DNER: variants seen among roughly 807,000 people sequenced by gnomAD.
The protein encoded by DNER is delta and Notch-like epidermal growth factor-related receptor.
DNER carries 33 observed loss-of-function variants against 78.2 expected under a neutral mutation model. The observed-to-expected ratio is 0.42, with a 90% CI of 0.32 to 0.56. DNER has a LOEUF of 0.56. DNER is among the 20% of genes least tolerant of loss of function. The probability of loss-of-function intolerance (pLI) is 0.11; values close to 1 mark genes in which losing one functional copy is unlikely to be tolerated. For missense variants in DNER, 918 were observed against 975.3 expected (o/e 0.94, Z 0.78); for synonymous variants, 417 against 384.8 (o/e 1.08, Z -0.98).
At chr2:229,674,407 T>C (rs1329318238) in intron 1 of DNER, among the ~76,000 whole-genome samples, 2 of 152,166 alleles carry the variant, frequency 1.3e-5, no homozygotes, top group Non-Finnish European at 2.9e-5. Context: ...GCCTCCCAAG[T>C]AGCTAGGATT....
At chr2:229,493,125 CACTT>C (rs1184006952) in intron 6 of DNER, among the ~76,000 whole-genome samples, 4 of 152,208 alleles carry the variant, frequency 2.6e-5, no homozygotes, top group Middle Eastern at 3.2e-3. Context: ...AAGGCACTGA[CACTT>C]AGTCAGTGTG....
chr2:229,413,037 T>A (rs1693556910), intron 9 of DNER, among the ~76,000 whole-genome samples: 1 of 152,184 alleles, frequency 6.6e-6, no homozygotes, highest in African/African-American at 2.4e-5. Context: ...ATTATTTATA[T>A]GGAATTTACT....
chr2:229,599,669 A>G (rs987562822), intron 1 of DNER, among the ~76,000 whole-genome samples: 2 of 152,260 alleles, frequency 1.3e-5, no homozygotes. Context: ...GAGTAAATTT[A>G]AAATGCAACA....
intron 4 of DNER, among the ~76,000 whole-genome samples, chr2:229,557,737 A>G (rs1012778498): frequency 1.4e-5 from 2 of 141,494 alleles, no homozygotes; most frequent in Non-Finnish European, 3.0e-5. Context: ...GAGACAAAAG[A>G]AAAAAAAAAA....
chr2:229,654,531 T>C (rs73095329), intron 1 of DNER, among the ~76,000 whole-genome samples: 6,273 of 152,304 alleles, frequency 0.041, 430 homozygotes, highest in African/African-American at 0.14. Context: ...GGAAAAATAG[T>C]AATGTTTGAA....
At chr2:229,437,680 G>C (rs948365241) in intron 8 of DNER, among the ~76,000 whole-genome samples, 5 of 152,148 alleles carry the variant, frequency 3.3e-5, no homozygotes, top group African/African-American at 9.7e-5. Context: ...CACTAAGCCA[G>C]TCTTGTGGGA....
At chr2:229,465,052 C>T (rs1324048940) in intron 7 of DNER, among the ~76,000 whole-genome samples, 1 of 152,082 alleles carries the variant, frequency 6.6e-6, no homozygotes, top group African/African-American at 2.4e-5. Context: ...ACCAGAAGTA[C>T]GATTTGACCC....
At chr2:229,406,767 G>A (rs1382723370) in intron 10 of DNER, among the ~76,000 whole-genome samples, 1 of 152,008 alleles carries the variant, frequency 6.6e-6, no homozygotes, top group Non-Finnish European at 1.5e-5. Context: ...CAAGATTTCT[G>A]GAGAAGCCAG....
Position 229,504,920 on chromosome 2 carries a change from C to T in DNER, c.1147+7863G>A, listed in dbSNP as rs116737850. On this transcript the variant is annotated intron_variant, in intron 6 of 12. Coordinates refer to ENST00000341772, the MANE Select transcript of DNER (RefSeq NM_139072.4). ...TTAGGGAATAACAACTAAATTCTGG[C>T]AAATGGCATGTGGTGGAAGGGATAG... is the stretch of plus-strand genomic sequence containing the variant. 4.2e-3 allele frequency among the ~76,000 whole-genome samples: 642 copies of T among 152,288 alleles called. 6 individuals are homozygous for T. Among genetic ancestry groups the T allele is most frequent in the African/African-American group, 0.015 (608 of 41,564 alleles).
At chr2:229,655,499 A>C (rs911401463) in intron 1 of DNER, among the ~76,000 whole-genome samples, 5 of 152,182 alleles carry the variant, frequency 3.3e-5, no homozygotes, top group African/African-American at 4.8e-5. Context: ...TGCAGAGGCA[A>C]ATACGACAGT....
At chr2:229,594,952 T>TAAAAAAAAAAAAAA (rs200824543) in intron 1 of DNER, among the ~76,000 whole-genome samples, 4 of 102,694 alleles carry the variant, frequency 3.9e-5, no homozygotes, top group Admixed American at 1.0e-4. Context: ...AAATGCTGTT[T>TAAAAAAAAAAAAAA]AAAAAAAAAA....
chr2:229,391,133 C>T (rs1048260387), intron 10 of DNER, among the ~76,000 whole-genome samples: 3 of 152,184 alleles, frequency 2.0e-5, no homozygotes, highest in African/African-American at 7.2e-5. Flanking sequence ...TTTTTGCTAT[C>T]AGTCTTACGC....
At chr2:229,512,209 C>G (rs540504737) in intron 6 of DNER, among the ~76,000 whole-genome samples, 1 of 151,986 alleles carries the variant, frequency 6.6e-6, no homozygotes, top group South Asian at 2.1e-4. Flanking sequence ...ATGATGAAAC[C>G]CCATCTCTAC....
chr2:229,586,765 T>C (rs7562651), intron 3 of DNER: 976,271 of 985,716 alleles, frequency 0.99, 483,915 homozygotes, highest in East Asian at 1. Flanking sequence ...TCCCAGAGAC[T>C]CCTGACCACT....
intron 5 of DNER, among the ~76,000 whole-genome samples, chr2:229,525,177 C>A (rs1017940631): frequency 6.6e-6 from 1 of 152,218 alleles, no homozygotes; most frequent in African/African-American, 2.4e-5. Flanking sequence ...TGTGGGCCTT[C>A]TTCTGTGCAT....
chr2:229,635,458 T>A (rs1437500016), intron 1 of DNER, among the ~76,000 whole-genome samples: 6 of 151,428 alleles, frequency 4.0e-5, no homozygotes, highest in African/African-American at 1.5e-4. Context: ...ATGATACTGA[T>A]CTGATTAGAT....
Position 229,397,540 on chromosome 2 carries a change from C to CA in DNER, c.1724-9145dup, listed in dbSNP as rs969265019. 6.0e-5 allele frequency among the ~76,000 whole-genome samples: 9 copies of CA among 150,156 alleles called. 1 individual carries two copies. Among genetic ancestry groups the CA allele is most frequent in the East Asian group, 3.9e-4 (2 of 5,088 alleles). ...GTGGAGAGCATGGACTTCCACCCTC[C>CA]AAAGCACCTCAGCCACCAAACAATA... On this transcript the variant is annotated intron_variant, in intron 10 of 12. Transcript: ENST00000341772.
At chr2:229,628,806 A>T (rs1457668903) in intron 1 of DNER, among the ~76,000 whole-genome samples, 1 of 152,200 alleles carries the variant, frequency 6.6e-6, no homozygotes, top group African/African-American at 2.4e-5. Context: ...TAGTTCTAAC[A>T]TCAAGAGTTG....
intron 10 of DNER, among the ~76,000 whole-genome samples, chr2:229,399,602 T>C (rs1478561302): frequency 6.6e-6 from 1 of 151,854 alleles, no homozygotes; most frequent in Non-Finnish European, 1.5e-5. Flanking sequence ...AAAAATAAGG[T>C]GGTAGGAATT....
Sources: allele counts gnomAD v4.1 joint callset (sites outside exome capture counted in the v4.1 genomes callset), GRCh38; gene constraint gnomAD v4.1.1; transcripts MANE v1.5; gene names NCBI Gene and HGNC (gene_info 2026-07-23, HGNC 2026-07-21).